WHAMM: variants seen among roughly 807,000 people sequenced by gnomAD.
WHAMM encodes WASP homolog-associated protein with actin, membranes and microtubules.
In WHAMM, 67 loss-of-function variants were observed where a neutral mutation model predicts 76.5. The ratio of observed to expected loss-of-function variants is 0.88; its 90% CI spans 0.72 to 1.07. WHAMM has a LOEUF of 1.07. Among genes scored for constraint, WHAMM ranks in the 50% least tolerant of loss-of-function variants. WHAMM has a pLI of 0.00. For missense variants in WHAMM, 1,021 were observed against 1,051.1 expected (o/e 0.97, Z 0.40); for synonymous variants, 419 against 422.1 (o/e 0.99, Z 0.09).
intron 8 of WHAMM, 94 bp from the exon 9 acceptor site, chr15:82,830,504 AT>A: frequency 2.0e-6 from 3 of 1,515,928 alleles, no homozygotes; most frequent in Non-Finnish European, 2.7e-6. Context: ...CCATCCATGC[AT>A]AGAAACGGAT....
At chr15:82,813,792 G>C (rs567121656) in intron 2 of WHAMM, among the ~76,000 whole-genome samples, 2 of 151,096 alleles carry the variant, frequency 1.3e-5, no homozygotes, top group Non-Finnish European at 2.9e-5. Context: ...GAGTAGCTGG[G>C]ATTACAGGTG....
At chr15:82,827,516 TAATC>T (rs920180062) in intron 8 of WHAMM, among the ~76,000 whole-genome samples, 1 of 152,204 alleles carries the variant, frequency 6.6e-6, no homozygotes, top group Admixed American at 6.5e-5. Context: ...AATTGACACA[TAATC>T]ATTGTACATA....
In WHAMM at chr15:82,833,659, G is replaced by A. The variant is rs958620582; in HGVS notation, c.*123G>A. ...GGCCACATAACACCCCGGAAGATCA[G>A]CAGGGCCTTGTGTAGGCTGCTGCAG... On this transcript the variant is annotated 3_prime_UTR_variant, in exon 10 of 10. Transcript: ENST00000286760. 5.4e-5 allele frequency: 58 copies of A among 1,066,060 alleles called. No individual in the cohort carries two copies. In the African/African-American group the frequency reaches 8.8e-4, roughly 16 times the overall value. The allele number at this position is 1,066,060 out of a possible 1,614,324, so 66.0% of individuals were successfully genotyped here. A position where few individuals can be genotyped will look rare whatever the true frequency, so the allele number is the denominator to read the frequency against.
At chr15:82,820,109 T>C (rs1458569968) in intron 5 of WHAMM, among the ~76,000 whole-genome samples, 5 of 152,186 alleles carry the variant, frequency 3.3e-5, no homozygotes, top group African/African-American at 9.7e-5. Flanking sequence ...TATAAAAATA[T>C]AAATTTTTAA....
chr15:82,833,367 A>G lies in WHAMM; in HGVS notation c.2261A>G (p.Lys754Arg). The G allele has an allele frequency of 3.1e-6, 5 of 1,614,038 alleles. No individual in the cohort carries two copies. Among genetic ancestry groups the G allele is most frequent in the Non-Finnish European group, 4.2e-6 (5 of 1,179,892 alleles). The change falls in exon 10 of 10, where the codon AAG becomes AGG. Residue 754 changes from lysine to arginine, a missense_variant. This residue lies in a region of WHAMM where 509 missense variants were observed against 492.3 expected (regional missense o/e 1.03). Transcript: ENST00000286760. The part of the protein sequence containing the change: ...LAAIRQGVKL[K>R]KVHPDLGPNP... Reference sequence around the variant, plus strand: ...GCCATAAGGCAAGGGGTCAAACTGAAGAAAGTTCACCCTGATCTTGGCCCA... The same window carrying G: ...GCCATAAGGCAAGGGGTCAAACTGAGGAAAGTTCACCCTGATCTTGGCCCA...
At chr15:82,818,222 G>A in intron 4 of WHAMM, 133 bp downstream of exon 4, 1 of 902,960 alleles carries the variant, frequency 1.1e-6, no homozygotes, top group East Asian at 2.7e-5. Context: ...TGGGCTTTTA[G>A]TGTAATCATC....
chr15:82,830,537 G>A lies in WHAMM; in HGVS notation c.1642-62G>A. On this transcript the variant is annotated intron_variant, in intron 8 of 9. Transcript: ENST00000286760. The stretch of plus-strand genomic sequence containing the variant: ...GGATGTGTTTATAGATTTCTAGAAA[G>A]TTTCAGCATTTTGATGGTTTGCACT... 3 of 1,561,962 alleles carry A rather than the reference G, an allele frequency of 1.9e-6. No homozygotes were observed. In the Admixed American group the frequency reaches 5.6e-5, roughly 29 times the overall value.
intron 8 of WHAMM, 52 bp from the exon 9 acceptor site, chr15:82,830,547 T>C: frequency 1.3e-6 from 2 of 1,573,358 alleles, no homozygotes; most frequent in Non-Finnish European, 1.7e-6. Flanking sequence ...GTTTCAGCAT[T>C]TTGATGGTTT....
rs371605813 is a variant in WHAMM at position 82,833,524 on chromosome 15, G to A, written c.2418G>A (p.Gln806=). Residue 806 remains glutamine (Q), a synonymous_variant, in exon 10 of 10, where the codon CAG becomes CAA. Transcript: ENST00000286760. The part of the protein sequence containing the change: ...EEDSDEQDPG[Q]WDG ...ACAGTGATGAGCAGGACCCTGGCCA[G>A]TGGGATGGTTAGGCTCAAGTTTGAC... is the stretch of plus-strand genomic sequence containing the variant. The A allele has an allele frequency of 1.2e-5, 19 of 1,613,382 alleles. No individual in the cohort carries two copies. In the African/African-American group the frequency reaches 2.3e-4, roughly 19 times the overall value.
intron 5 of WHAMM, among the ~76,000 whole-genome samples, chr15:82,819,949 G>A (rs145451188): frequency 0.027 from 4,171 of 152,102 alleles, 91 homozygotes; most frequent in Non-Finnish European, 0.042. Context: ...TTGAACCTGG[G>A]AGGTGGAAGT....
In WHAMM at chr15:82,830,669, T is replaced by C. The variant is rs2151573421; in HGVS notation, c.1712T>C (p.Leu571Pro). The C allele has an allele frequency of 6.2e-7, 1 of 1,614,020 alleles. No individual in the cohort carries two copies. Residue 571 changes from leucine (L) to proline (P), a missense_variant, in exon 9 of 10, where the codon CTT becomes CCT. Around this residue, in one of 3 missense-constraint regions of WHAMM, gnomAD observed 509 missense variants for 492.3 expected, o/e 1.03. Transcript: ENST00000286760. ...EPVAPNLPSD[L>P]SQQMCLPASH... ...GTGGCTCCAAACCTGCCAAGTGATC[T>C]TTCCCAGCAGATGTGCTTGCCAGCT...
chr15:82,824,527 GC>G (rs2151568149), intron 6 of WHAMM, among the ~76,000 whole-genome samples: 1 of 152,266 alleles, frequency 6.6e-6, no homozygotes, highest in South Asian at 2.1e-4. Flanking sequence ...CACCATGTTG[GC>G]CAAGCTGGTC....
At position 82,826,498 on chromosome 15, in the gene WHAMM, T is replaced by C; in HGVS notation, c.1545+2T>C. 6.2e-7 allele frequency: 1 copy of C among 1,613,064 alleles called. No individual in the cohort carries two copies. The highest frequency in any genetic ancestry group is 8.5e-7 in the Non-Finnish European group (1 of 1,179,056). The stretch of plus-strand genomic sequence containing the variant: ...CGTCAGCATCACAGTATTCAGATGG[T>C]GAGTCTCCTCCGAAGGAAAATGTTC... On this transcript the variant is annotated splice_donor_variant, in intron 7 of 9. Coordinates refer to ENST00000286760, the MANE Select transcript of WHAMM (RefSeq NM_001080435.3). LOFTEE classifies it high-confidence loss of function.
At position 82,830,613 on chromosome 15, in the gene WHAMM, A is replaced by G. The variant is rs1036847705; in HGVS notation, c.1656A>G (p.Gln552=). The G allele has an allele frequency of 2.0e-5, 33 of 1,611,588 alleles. No homozygotes were observed. The highest frequency in any genetic ancestry group is 4.0e-5 in the African/African-American group (3 of 74,868). The change falls in exon 9 of 10, where the codon CAA becomes CAG. Residue 552 remains glutamine (Q), a synonymous_variant. Coordinates refer to ENST00000286760, the MANE Select transcript of WHAMM (RefSeq NM_001080435.3). The stretch of plus-strand genomic sequence containing the variant: ...TTCATTTTCAGAAACGCCTAGCTCA[A>G]TCTGTCCGAAACACCTCTGGCTCAG... ...LRSFKDKRLA[Q]SVRNTSGSEP...
chr15:82,829,834 A>C (rs2050997519), intron 8 of WHAMM, among the ~76,000 whole-genome samples: 1 of 152,178 alleles, frequency 6.6e-6, no homozygotes, highest in Admixed American at 6.5e-5. Flanking sequence ...TAATGAGTTC[A>C]TAGTATTACA....
chr15:82,831,779 T>G (rs1432152008), intron 9 of WHAMM, among the ~76,000 whole-genome samples: 1 of 152,232 alleles, frequency 6.6e-6, no homozygotes, highest in African/African-American at 2.4e-5. Flanking sequence ...TGGAGCCTAC[T>G]TCTTTGGGGG....
At chr15:82,830,403 G>C (rs1356220513) in intron 8 of WHAMM, among the ~76,000 whole-genome samples, 196 bp from the exon 9 acceptor site, 1 of 151,950 alleles carries the variant, frequency 6.6e-6, no homozygotes, top group Non-Finnish European at 1.5e-5. Context: ...TTGATCAAAG[G>C]ATATAAATGC....
chr15:82,818,559 G>A (rs2050767450), intron 4 of WHAMM, among the ~76,000 whole-genome samples: 1 of 152,192 alleles, frequency 6.6e-6, no homozygotes, highest in Admixed American at 6.5e-5. Flanking sequence ...GTATTGAAAT[G>A]GGTACTGTAC....
intron 1 of WHAMM, among the ~76,000 whole-genome samples, chr15:82,812,429 C>T (rs1219204524): frequency 6.6e-6 from 1 of 152,064 alleles, no homozygotes; most frequent in Non-Finnish European, 1.5e-5. Flanking sequence ...AGGGTTTCAC[C>T]GTGTTAGCCA....
Sources: allele counts gnomAD v4.1 joint callset (sites outside exome capture counted in the v4.1 genomes callset), GRCh38; gene constraint gnomAD v4.1.1; regional missense constraint gnomAD v4.1.1; transcripts MANE v1.5; gene names NCBI Gene and HGNC (gene_info 2026-07-23, HGNC 2026-07-21).